Variants in MACROD2 observed in about 807,000 individuals in gnomAD.
MACROD2 encodes the protein mono-ADP ribosylhydrolase 2, also known as ADP-ribose glycohydrolase MACROD2.
In MACROD2, 36 loss-of-function variants were observed where a neutral mutation model predicts 70.4. That is an observed-to-expected ratio of 0.51 (90% confidence interval 0.39 to 0.68). MACROD2 has a LOEUF of 0.68. Ranked by LOEUF, MACROD2 falls within the 30% of genes least tolerant of loss-of-function variation. The pLI, the probability that MACROD2 is intolerant of heterozygous loss-of-function variation, is 0.00. For missense variants in MACROD2, 496 were observed against 538.4 expected (o/e 0.92, Z 0.78); for synonymous variants, 172 against 178.8 (o/e 0.96, Z 0.30).
intron 8 of MACROD2, among the ~76,000 whole-genome samples, chr20:15,508,808 A>T (rs1410322925): frequency 6.6e-6 from 1 of 152,202 alleles, no homozygotes; most frequent in Non-Finnish European, 1.5e-5. Flanking sequence ...GTTCCCTACC[A>T]TTTTGGAAGG....
intron 5 of MACROD2, among the ~76,000 whole-genome samples, chr20:14,704,811 T>A (rs2071249093): frequency 6.6e-6 from 1 of 152,180 alleles, no homozygotes; most frequent in African/African-American, 2.4e-5. Flanking sequence ...TATATGCGTG[T>A]TCTTTTTTTA....
chr20:15,553,816 A>G (rs557647774), intron 8 of MACROD2, among the ~76,000 whole-genome samples: 1 of 152,336 alleles, frequency 6.6e-6, no homozygotes, highest in South Asian at 2.1e-4. Context: ...AAAAAGATCA[A>G]TGTCCTACAG....
chr20:15,577,528 G>A (rs950307244), intron 8 of MACROD2, among the ~76,000 whole-genome samples: 1 of 151,914 alleles, frequency 6.6e-6, no homozygotes, highest in African/African-American at 2.4e-5. Context: ...ACTCTTTTTG[G>A]CCATATTTGG....
chr20:14,629,523 C>A (rs544917543), intron 4 of MACROD2, among the ~76,000 whole-genome samples: 2 of 152,200 alleles, frequency 1.3e-5, no homozygotes, highest in South Asian at 2.1e-4. Context: ...ATGTTAAATG[C>A]TTTTAAAAAT....
chr20:16,024,711 T>C (rs1426368258), intron 15 of MACROD2, among the ~76,000 whole-genome samples: 1 of 152,144 alleles, frequency 6.6e-6, no homozygotes, highest in African/African-American at 2.4e-5. Context: ...AAGCTGAAAA[T>C]TGAGGGTAGC....
intron 5 of MACROD2, among the ~76,000 whole-genome samples, chr20:15,203,540 C>A (rs1478506547): frequency 6.6e-6 from 1 of 152,032 alleles, no homozygotes; most frequent in Non-Finnish European, 1.5e-5. Context: ...TGGCACTTTA[C>A]ATTTTTTATT....
intron 4 of MACROD2, among the ~76,000 whole-genome samples, chr20:14,573,878 G>A (rs542313523): frequency 1.3e-5 from 2 of 152,208 alleles, no homozygotes; most frequent in Non-Finnish European, 2.9e-5. Flanking sequence ...GGTTCCAGAA[G>A]AAGAGTTCCA....
At chr20:14,742,924 G>A (rs2071751571) in intron 5 of MACROD2, among the ~76,000 whole-genome samples, 1 of 150,708 alleles carries the variant, frequency 6.6e-6, no homozygotes, top group Admixed American at 6.6e-5. Flanking sequence ...CCGCCACTAT[G>A]CCCGGCTAAT....
intron 3 of MACROD2, among the ~76,000 whole-genome samples, chr20:14,216,063 T>A (rs953470727): frequency 5.3e-5 from 8 of 152,122 alleles, no homozygotes; most frequent in African/African-American, 1.9e-4. Flanking sequence ...GCTTTTGGGT[T>A]CTTGGTCATG....
At chr20:14,454,658 C>T (rs2084280024) in intron 3 of MACROD2, among the ~76,000 whole-genome samples, 2 of 151,240 alleles carry the variant, frequency 1.3e-5, no homozygotes, top group African/African-American at 2.4e-5. Flanking sequence ...ATATAAGCAA[C>T]TTCTTCATTA....
At chr20:15,100,308 T>C (rs577011320) in intron 5 of MACROD2, among the ~76,000 whole-genome samples, 137 of 59,372 alleles carry the variant, frequency 2.3e-3, no homozygotes, top group African/African-American at 0.011. Flanking sequence ...TTTTGACTTA[T>C]GATATTTTTG....
intron 5 of MACROD2, among the ~76,000 whole-genome samples, chr20:15,164,614 G>A (rs954360923): frequency 5.3e-5 from 8 of 152,188 alleles, no homozygotes; most frequent in Admixed American, 1.3e-4. Flanking sequence ...AGAAGTAACA[G>A]GCTGGGTATG....
At chr20:15,411,902 T>G (rs966725963) in intron 6 of MACROD2, among the ~76,000 whole-genome samples, 1 of 152,150 alleles carries the variant, frequency 6.6e-6, no homozygotes, top group Non-Finnish European at 1.5e-5. Context: ...TGGTGCTGCT[T>G]GGAATCATGG....
At chr20:14,686,380 C>A (rs2071002633) in intron 5 of MACROD2, among the ~76,000 whole-genome samples, 1 of 152,104 alleles carries the variant, frequency 6.6e-6, no homozygotes, top group Admixed American at 6.5e-5. Flanking sequence ...TAATTTTGTG[C>A]ATGAAACAAA....
chr20:15,416,764 C>T (rs889342127), intron 6 of MACROD2, among the ~76,000 whole-genome samples: 15 of 138,996 alleles, frequency 1.1e-4, no homozygotes, highest in African/African-American at 3.4e-4. Context: ...ATTAGCGGGG[C>T]GGTGGGGGGG....
chr20:16,019,494 C>T (rs2066973346), intron 15 of MACROD2, among the ~76,000 whole-genome samples: 2 of 152,214 alleles, frequency 1.3e-5, no homozygotes, highest in South Asian at 4.1e-4. Flanking sequence ...CCCACATTCA[C>T]TGGAGACTTT....
chr20:14,003,954 C>T (rs572855816), intron 2 of MACROD2, among the ~76,000 whole-genome samples: 1 of 152,212 alleles, frequency 6.6e-6, no homozygotes, highest in South Asian at 2.1e-4. Context: ...TTATAAGCAA[C>T]TGGTATTGAA....
intron 4 of MACROD2, among the ~76,000 whole-genome samples, chr20:14,600,763 A>G (rs1169003667): frequency 6.6e-6 from 1 of 152,054 alleles, no homozygotes; most frequent in Non-Finnish European, 1.5e-5. Flanking sequence ...AGCAGGCTTT[A>G]TTTTGTCATT....
At chr20:14,896,407 A>T (rs1454740061) in intron 5 of MACROD2, among the ~76,000 whole-genome samples, 2 of 151,760 alleles carry the variant, frequency 1.3e-5, no homozygotes, top group South Asian at 2.1e-4. Flanking sequence ...CCTTGCTTTT[A>T]AAAAAAATGT....
Sources: allele counts gnomAD v4.1 joint callset (sites outside exome capture counted in the v4.1 genomes callset), GRCh38; gene constraint gnomAD v4.1.1; transcripts MANE v1.5; gene names NCBI Gene and HGNC (gene_info 2026-07-23, HGNC 2026-07-21).